Variants in DDX47 observed in about 807,000 individuals in gnomAD.
The protein encoded by DDX47 is DEAD-box helicase 47.
In DDX47, 60 loss-of-function variants were observed where a neutral mutation model predicts 58.8. The observed-to-expected ratio is 1.02, with a 90% CI of 0.83 to 1.26. The LOEUF (loss-of-function observed/expected upper bound fraction) is 1.26, where lower values mean the gene tolerates loss of function less well. Among genes scored for constraint, DDX47 ranks in the 50% most tolerant of loss-of-function variants. DDX47 has a pLI of 0.00. For synonymous variants in DDX47, 197 were observed against 204.6 expected, an observed-to-expected ratio of 0.96 and a Z score of 0.32; for missense variants, 530 against 573.2, an observed-to-expected ratio of 0.92 and a Z score of 0.77.
intron 6 of DDX47, 94 bp downstream of exon 6, chr12:12,822,826 C>T (rs773230731): frequency 2.8e-5 from 29 of 1,034,688 alleles, no homozygotes; most frequent in South Asian, 5.4e-5. Context: ...TGCTTTAGTC[C>T]GTTTTCACAC....
At chr12:12,821,545 G>C in intron 3 of DDX47, 110 bp from the exon 4 acceptor site, 1 of 1,421,874 alleles carries the variant, frequency 7.0e-7, no homozygotes, top group Admixed American at 1.8e-5. Context: ...AGTATTAATT[G>C]TAAGGGAAGA....
intron 10 of DDX47, chr12:12,826,363 A>AT: frequency 1.4e-5 from 3 of 216,350 alleles, no homozygotes; most frequent in African/African-American, 2.3e-5. Context: ...ACTATTTCCA[A>AT]TTGTTTTTTT....
chr12:12,821,210 C>A lies in DDX47; in HGVS notation c.184C>A (p.Arg62Ser), dbSNP rs962296815. ...TGTTGAATTTCTTTTTCTTTTAGGT[C>A]GTGATATCATTGGGCTTGCAGAAAC... ...IEAIPLALQG[R>S]DIIGLAETGS... Residue 62 changes from arginine to serine, a missense_variant and splice_region_variant, in exon 3 of 12, where the codon CGT becomes AGT. Transcript: ENST00000358007. 3.7e-6 allele frequency: 6 copies of A among 1,614,026 alleles called. No homozygotes were observed. The highest frequency in any genetic ancestry group is 5.1e-6 in the Non-Finnish European group (6 of 1,179,998).
intron 9 of DDX47, 181 bp downstream of exon 9, chr12:12,824,858 T>G (rs1863026987): frequency 7.4e-6 from 4 of 541,238 alleles, no homozygotes; most frequent in Non-Finnish European, 1.3e-5. Flanking sequence ...GTAACATTAG[T>G]ACATATGAAA....
intron 2 of DDX47, among the ~76,000 whole-genome samples, chr12:12,814,827 A>C (rs1421076368): frequency 6.6e-6 from 1 of 152,116 alleles, no homozygotes; most frequent in East Asian, 1.9e-4. Context: ...TTACAGGCGC[A>C]TCACCATGTC....
At chr12:12,823,844 T>C in intron 7 of DDX47, 26 bp from the exon 8 acceptor site, 1 of 1,609,008 alleles carries the variant, frequency 6.2e-7, no homozygotes, top group East Asian at 2.2e-5. Context: ...TTCAATGACA[T>C]ATATTGTTTT....
Position 12,821,654 on chromosome 12 carries a change from G to C in DDX47, c.371-1G>C. On this transcript the variant is annotated splice_acceptor_variant, in intron 3 of 11. Coordinates refer to ENST00000358007, the MANE Select transcript of DDX47 (RefSeq NM_016355.4). LOFTEE classifies it high-confidence loss of function. ...TCTCTATGTTCTTTTTTTCTCTGTA[G>C]CTGTGATTGTAGGTGGAATTGATTC... 1 of 1,613,678 alleles carries C rather than the reference G, an allele frequency of 6.2e-7. No homozygotes were observed. Among genetic ancestry groups the C allele is most frequent in the Non-Finnish European group, 8.5e-7 (1 of 1,179,762 alleles).
At chr12:12,820,431 T>G (rs1223150031) in intron 2 of DDX47, 3 of 152,416 alleles carry the variant, frequency 2.0e-5, no homozygotes, top group African/African-American at 4.8e-5. Flanking sequence ...CATTCTTCCC[T>G]CTTTCTCCCT....
Position 12,823,850 on chromosome 12 carries a change from G to T in DDX47, c.751-20G>T. 6.2e-7 allele frequency: 1 copy of T among 1,611,282 alleles called. No individual in the cohort carries two copies. The highest frequency in any genetic ancestry group is 8.5e-7 in the Non-Finnish European group (1 of 1,178,464). On this transcript the variant is annotated intron_variant, in intron 7 of 11. Coordinates refer to ENST00000358007, the MANE Select transcript of DDX47 (RefSeq NM_016355.4). ...TCTCCCAGGTTCAATGACATATATT[G>T]TTTTGGGTTTGTAACTTAGGATACC...
intron 2 of DDX47, among the ~76,000 whole-genome samples, chr12:12,819,434 A>G (rs181930950): frequency 6.6e-6 from 1 of 151,480 alleles, no homozygotes; most frequent in Non-Finnish European, 1.5e-5. Context: ...CCGGGCATAT[A>G]TATATATGTA....
intron 2 of DDX47, among the ~76,000 whole-genome samples, chr12:12,818,843 A>G (rs1443023790): frequency 6.6e-6 from 1 of 152,220 alleles, no homozygotes; most frequent in African/African-American, 2.4e-5. Context: ...TGATAAAACC[A>G]TCAGATCTCA....
At position 12,822,721 on chromosome 12, in the gene DDX47, A is replaced by G. The variant is rs766243168; in HGVS notation, c.622A>G (p.Met208Val). 4 of 1,613,830 alleles carry G rather than the reference A, an allele frequency of 2.5e-6. No individual in the cohort carries two copies. The highest frequency in any genetic ancestry group is 2.2e-5 in the South Asian group (2 of 91,070). Residue 208 changes from methionine (M) to valine (V), a missense_variant, in exon 6 of 12, where the codon ATG becomes GTG. Transcript: ENST00000358007. ...GAAAACATTCCTCTTCTCTGCCACC[A>G]TGACCAAGAAGGTGAAATTTGCTAG... ...DRKTFLFSAT[M>V]TKKVQKLQRA...
chr12:12,813,803 T>C (rs1862851405), intron 1 of DDX47, among the ~76,000 whole-genome samples: 1 of 152,248 alleles, frequency 6.6e-6, no homozygotes, highest in African/African-American at 2.4e-5. Flanking sequence ...AGTCTCTTAC[T>C]GAGGACAAGT....
intron 2 of DDX47, among the ~76,000 whole-genome samples, chr12:12,815,667 G>C (rs1236533824): frequency 6.6e-6 from 1 of 152,102 alleles, no homozygotes; most frequent in Admixed American, 6.6e-5. Flanking sequence ...TAGGCATAGG[G>C]AACAGCATGA....
In DDX47 at chr12:12,823,730, A is replaced by G. The variant is rs1863007785; in HGVS notation, c.751-140A>G. On this transcript the variant is annotated intron_variant, in intron 7 of 11. Coordinates refer to ENST00000358007, the MANE Select transcript of DDX47 (RefSeq NM_016355.4). ...GTTCACAGAGATGATAATGCTGGTT[A>G]AGGAATGCAAAGCTGGCAGCTGGAG... 7 of 788,570 alleles carry G rather than the reference A, an allele frequency of 8.9e-6. No homozygotes were observed. In the Admixed American group the frequency reaches 1.8e-4, roughly 20 times the overall value. 48.8% of individuals were successfully genotyped at this position (788,570 alleles called of 1,614,324 possible).
chr12:12,826,130 C>G (rs1240912741), intron 10 of DDX47, 60 bp downstream of exon 10: 10 of 1,447,110 alleles, frequency 6.9e-6, no homozygotes, highest in Non-Finnish European at 9.6e-6. Context: ...TTTCAAGCCA[C>G]TGGCTGAGAA....
chr12:12,819,668 A>C (rs1179076679), intron 2 of DDX47, among the ~76,000 whole-genome samples: 1 of 152,200 alleles, frequency 6.6e-6, no homozygotes, highest in Non-Finnish European at 1.5e-5. Flanking sequence ...CTTTGAGTTT[A>C]CTATAGGAAT....
chr12:12,821,542 A>T, intron 3 of DDX47, 113 bp from the exon 4 acceptor site: 1 of 1,419,120 alleles, frequency 7.0e-7, no homozygotes, highest in East Asian at 2.3e-5. Context: ...AAGAGTATTA[A>T]TTGTAAGGGA....
At chr12:12,824,766 T>G in intron 9 of DDX47, 89 bp downstream of exon 9, 1 of 1,419,350 alleles carries the variant, frequency 7.0e-7, no homozygotes, top group Non-Finnish European at 9.7e-7. Flanking sequence ...CAGCAGTTAT[T>G]TTGTTCCTGG....
Sources: gnomAD v4.1 joint callset for allele counts (sites outside exome capture counted in the v4.1 genomes callset) on GRCh38, gnomAD v4.1.1 for gene constraint, MANE v1.5 for transcripts, NCBI Gene and HGNC (gene_info 2026-07-23, HGNC 2026-07-21) for gene names.